Variants in TRPC3 observed in about 807,000 individuals in gnomAD.
TRPC3 encodes short transient receptor potential channel 3.
TRPC3 carries 54 observed loss-of-function variants against 90.9 expected under a neutral mutation model. The ratio of observed to expected loss-of-function variants is 0.59; its 90% CI spans 0.48 to 0.75. The LOEUF is 0.75. TRPC3 is among the 30% of genes least tolerant of loss of function. The probability of loss-of-function intolerance (pLI) is 0.00; values close to 1 mark genes in which losing one functional copy is unlikely to be tolerated. For missense variants in TRPC3, 918 were observed against 1,194.5 expected, an observed-to-expected ratio of 0.77 and a Z score of 3.41; for synonymous variants, 424 against 450.9, an observed-to-expected ratio of 0.94 and a Z score of 0.75.
At chr4:121,945,388 A>C (rs76396878) in intron 1 of TRPC3, among the ~76,000 whole-genome samples, 1 of 152,206 alleles carries the variant, frequency 6.6e-6, no homozygotes, top group East Asian at 1.9e-4. Flanking sequence ...TGCAACACAA[A>C]TTTCATCTTC....
intron 3 of TRPC3, among the ~76,000 whole-genome samples, chr4:121,921,989 G>A (rs1161077054): frequency 1.3e-5 from 2 of 150,334 alleles, no homozygotes; most frequent in African/African-American, 4.9e-5. Flanking sequence ...CGTGATCTTG[G>A]CTCACTACAA....
At chr4:121,934,696 T>C (rs1420817773) in intron 1 of TRPC3, among the ~76,000 whole-genome samples, 1 of 152,184 alleles carries the variant, frequency 6.6e-6, no homozygotes, top group Non-Finnish European at 1.5e-5. Flanking sequence ...GATGACTAAA[T>C]TGGGAAGCTT....
At chr4:121,935,408 GA>G (rs1174378338) in intron 1 of TRPC3, among the ~76,000 whole-genome samples, 1 of 137,558 alleles carries the variant, frequency 7.3e-6, no homozygotes, top group East Asian at 2.2e-4. Flanking sequence ...TGAGTTGGGG[GA>G]CATGTGTGGG....
In TRPC3 at chr4:121,898,935, A is replaced by T. The variant is rs1039025966; in HGVS notation, c.2547+677T>A. Among the ~76,000 whole-genome samples the T allele has an allele frequency of 2.9e-4, 44 of 152,206 alleles. 1 individual carries two copies. Among genetic ancestry groups the T allele is most frequent in the Non-Finnish European group, 5.9e-5 (4 of 68,032 alleles). On this transcript the variant is annotated intron_variant, in intron 10 of 11. Transcript: ENST00000379645. ...TTTGTGGTTTCCTGCTTCTAAAAAA[A>T]TTGGATAAAAAATAGAACAATACGC...
chr4:121,912,447 C>T (rs955406622), intron 4 of TRPC3, among the ~76,000 whole-genome samples: 2 of 152,004 alleles, frequency 1.3e-5, no homozygotes, highest in Admixed American at 6.6e-5. Context: ...GAAATTTCAA[C>T]TTTGTATTGT....
intron 2 of TRPC3, 84 bp from the exon 3 acceptor site, chr4:121,925,290 TC>T: frequency 7.1e-7 from 1 of 1,404,530 alleles, no homozygotes; most frequent in Non-Finnish European, 9.5e-7. Context: ...GAAAAAGGTA[TC>T]CCTTCTTTTG....
intron 4 of TRPC3, among the ~76,000 whole-genome samples, 183 bp downstream of exon 4, chr4:121,914,597 C>T (rs1729233637): frequency 6.6e-6 from 1 of 152,204 alleles, no homozygotes; most frequent in African/African-American, 2.4e-5. Flanking sequence ...CCCACTGGTA[C>T]CAAATCCTTT....
intron 3 of TRPC3, among the ~76,000 whole-genome samples, chr4:121,916,970 C>T (rs1189159298): frequency 6.6e-6 from 1 of 152,146 alleles, no homozygotes; most frequent in Non-Finnish European, 1.5e-5. Flanking sequence ...CCGCCTCAGC[C>T]TCTGAAAGTG....
chr4:121,915,233 T>G (rs1729268244), intron 3 of TRPC3, among the ~76,000 whole-genome samples: 1 of 152,246 alleles, frequency 6.6e-6, no homozygotes, highest in Non-Finnish European at 1.5e-5. Context: ...CAGATTTCTC[T>G]GTGGAATCTG....
intron 10 of TRPC3, among the ~76,000 whole-genome samples, chr4:121,897,904 G>A (rs952013884): frequency 6.6e-5 from 10 of 151,998 alleles, no homozygotes; most frequent in Non-Finnish European, 1.0e-4. Context: ...AATCAACCTA[G>A]GTGTCTAACA....
intron 7 of TRPC3, 146 bp downstream of exon 7, chr4:121,907,156 AT>A: frequency 1.3e-6 from 1 of 759,336 alleles, no homozygotes; most frequent in Non-Finnish European, 2.1e-6. Context: ...GAGCAATATA[AT>A]CAACACAAGC....
At chr4:121,892,655 T>C (rs914313269) in intron 10 of TRPC3, among the ~76,000 whole-genome samples, 15 of 152,154 alleles carry the variant, frequency 9.9e-5, no homozygotes, top group Non-Finnish European at 1.5e-4. Flanking sequence ...TCATAATTAA[T>C]ATAAATAATA....
chr4:121,926,327 TAC>T (rs1041630762), intron 2 of TRPC3, among the ~76,000 whole-genome samples: 68 of 152,330 alleles, frequency 4.5e-4, no homozygotes, highest in African/African-American at 1.6e-3. Flanking sequence ...CCTCCCTGAA[TAC>T]ACACATAGTT....
chr4:121,895,463 G>C (rs1728487089), intron 10 of TRPC3, among the ~76,000 whole-genome samples: 2 of 151,546 alleles, frequency 1.3e-5, no homozygotes, highest in African/African-American at 2.4e-5. Flanking sequence ...AAAACAGAGA[G>C]ATATGACTCA....
intron 10 of TRPC3, among the ~76,000 whole-genome samples, chr4:121,887,833 T>C (rs1728183005): frequency 6.6e-6 from 1 of 152,160 alleles, no homozygotes; most frequent in Admixed American, 6.5e-5. Context: ...TAAAATATTG[T>C]TAAAATTAGC....
intron 1 of TRPC3, among the ~76,000 whole-genome samples, chr4:121,948,360 G>A (rs527914301): frequency 1.9e-5 from 2 of 102,834 alleles, no homozygotes; most frequent in South Asian, 6.9e-4. Flanking sequence ...ATAGATTCTA[G>A]CTGGTTTTTT....
In TRPC3 at chr4:121,902,993, T is replaced by A. The variant is rs1273666621; in HGVS notation, c.2322A>T (p.Lys774Asn). The change falls in exon 9 of 12, where the codon AAA becomes AAT. Residue 774 changes from lysine to asparagine, a missense_variant. Coordinates refer to ENST00000379645, the MANE Select transcript of TRPC3 (RefSeq NM_001130698.2). ...CTAGACTGAAAGGTGGAGGTAATGTTTTTCCATCATCAAAATAGGATAACC... is the reference window on the plus strand; with the variant it reads ...CTAGACTGAAAGGTGGAGGTAATGTATTTCCATCATCAAAATAGGATAACC... ...KLWLSYFDDGKTLPPPFSLVP... is the reference protein window; with the variant it reads ...KLWLSYFDDGNTLPPPFSLVP... 1 of 1,613,526 alleles carries A rather than the reference T, an allele frequency of 6.2e-7. No homozygotes were observed. The highest frequency in any genetic ancestry group is 1.7e-5 in the Admixed American group (1 of 59,922).
Position 121,879,636 on chromosome 4 carries a change from A to C in TRPC3, c.*100T>G, listed in dbSNP as rs1727874422. 1 of 1,301,164 alleles carries C rather than the reference A, an allele frequency of 7.7e-7. No individual in the cohort carries two copies. Among genetic ancestry groups the C allele is most frequent in the African/African-American group, 1.5e-5 (1 of 65,434 alleles). 80.6% of individuals were successfully genotyped at this position (1,301,164 alleles called of 1,614,324 possible). On this transcript the variant is annotated 3_prime_UTR_variant, in exon 12 of 12. Coordinates refer to ENST00000379645, the MANE Select transcript of TRPC3 (RefSeq NM_001130698.2). The stretch of plus-strand genomic sequence containing the variant: ...AAAGGTTCACATGATAAAGGTAGTT[A>C]ATACTAAAAATTTACATCATAGTTT...
Position 121,932,379 on chromosome 4 carries a change from C to G in TRPC3, c.879G>C (p.Gly293=), listed in dbSNP as rs1169604008. 6.2e-7 allele frequency: 1 copy of G among 1,614,148 alleles called. No individual in the cohort carries two copies. The highest frequency in any genetic ancestry group is 8.5e-7 in the Non-Finnish European group (1 of 1,180,016). The part of the protein sequence containing the change: ...HSRSRINAYK[G]LASPAYLSLS... ...ATGAGAGGTAAGCCGGGCTGGCCAGCCCCTTGTAGGCATTGATCCTCGAGC... is the reference window on the plus strand; with the variant it reads ...ATGAGAGGTAAGCCGGGCTGGCCAGGCCCTTGTAGGCATTGATCCTCGAGC... Residue 293 remains glycine, a synonymous_variant, in exon 2 of 12, where the codon GGG becomes GGC. Transcript: ENST00000379645. This position sits in a 1 kb window ranked among gnomAD's most constrained non-coding sequence, Gnocchi z 7.7.
Sources: allele counts gnomAD v4.1 joint callset (sites outside exome capture counted in the v4.1 genomes callset), GRCh38; gene constraint gnomAD v4.1.1; non-coding constraint Gnocchi (gnomAD v3.1); transcripts MANE v1.5; gene names NCBI Gene and HGNC (gene_info 2026-07-23, HGNC 2026-07-21).